The following ABCC1 variants were observed in gnomAD, a reference collection of about 807,000 sequenced individuals.
ABCC1 encodes ATP binding cassette subfamily C member 1 (ABCC1 blood group), also known as multidrug resistance-associated protein 1.
A neutral mutation model predicts 172.9 loss-of-function variants in ABCC1; 83 were observed. That is an observed-to-expected ratio of 0.48 (90% confidence interval 0.40 to 0.58). ABCC1 has a LOEUF of 0.58. Among genes scored for constraint, ABCC1 ranks in the 20% least tolerant of loss-of-function variants. ABCC1 has a pLI of 0.00. For synonymous variants in ABCC1, 937 were observed against 825.2 expected (o/e 1.14, Z -2.32); for missense variants, 1,817 against 2,002.7 (o/e 0.91, Z 1.77).
At chr16:16,084,927 TTGAG>T (rs1212422442) in intron 17 of ABCC1, among the ~76,000 whole-genome samples, 1 of 152,164 alleles carries the variant, frequency 6.6e-6, no homozygotes, top group African/African-American at 2.4e-5. Context: ...GGCCTATAAC[TTGAG>T]TATTTTCTGT....
rs1484653256 is a variant in ABCC1, at chr16:16,056,315, T to A, written c.1677+20T>A. On this transcript the variant is annotated intron_variant, in intron 12 of 30. Coordinates refer to ENST00000399410, the MANE Select transcript of ABCC1 (RefSeq NM_004996.4). Reference sequence around the variant, plus strand: ...TTTCTGGTGAGTGAAGCCACATTTTTCCTGGCCCTCATTGTTTGATGTTTT... The same window carrying A: ...TTTCTGGTGAGTGAAGCCACATTTTACCTGGCCCTCATTGTTTGATGTTTT... 1 of 1,613,668 alleles carries A rather than the reference T, an allele frequency of 6.2e-7. No homozygotes were observed. Among genetic ancestry groups the A allele is most frequent in the Non-Finnish European group, 8.5e-7 (1 of 1,179,616 alleles).
At chr16:15,978,821 T>G (rs2046552408) in intron 1 of ABCC1, among the ~76,000 whole-genome samples, 1 of 151,956 alleles carries the variant, frequency 6.6e-6, no homozygotes, top group Non-Finnish European at 1.5e-5. Context: ...GTTGTCACAG[T>G]TTGGGATGGG....
chr16:15,992,882 G>T (rs1404100530), intron 1 of ABCC1, among the ~76,000 whole-genome samples: 1 of 152,114 alleles, frequency 6.6e-6, no homozygotes, highest in East Asian at 1.9e-4. Context: ...CATTGGTGCA[G>T]CCATATCCTC....
chr16:16,036,228 TAAA>T (rs4148341), intron 6 of ABCC1, among the ~76,000 whole-genome samples: 1 of 138,048 alleles, frequency 7.2e-6, no homozygotes. Flanking sequence ...TATGCACCAC[TAAA>T]AAAAAAAAAA....
chr16:16,037,426 C>T (rs2048799507), intron 7 of ABCC1, among the ~76,000 whole-genome samples: 3 of 152,198 alleles, frequency 2.0e-5, no homozygotes, highest in Admixed American at 2.0e-4. Flanking sequence ...CATACCTTAA[C>T]TCATCAAATC....
chr16:16,043,308 G>GT (rs1455995191), intron 7 of ABCC1, among the ~76,000 whole-genome samples: 1 of 35,074 alleles, frequency 2.9e-5, no homozygotes, highest in African/African-American at 1.0e-4. Flanking sequence ...TTTTTGTTTT[G>GT]TTTTTTTCTT....
At chr16:16,069,133 C>A (rs1410252362) in intron 13 of ABCC1, among the ~76,000 whole-genome samples, 2 of 144,430 alleles carry the variant, frequency 1.4e-5, no homozygotes, top group African/African-American at 2.6e-5. Context: ...TATGGTAAAA[C>A]CCTGTATGTA....
intron 7 of ABCC1, among the ~76,000 whole-genome samples, chr16:16,043,684 C>T (rs1453860828): frequency 2.0e-5 from 3 of 152,028 alleles, no homozygotes; most frequent in Non-Finnish European, 4.4e-5. Flanking sequence ...TCACAGCAAC[C>T]TCCACCTCCC....
intron 12 of ABCC1, among the ~76,000 whole-genome samples, chr16:16,063,129 C>T (rs941416344): frequency 4.6e-5 from 7 of 152,070 alleles, no homozygotes; most frequent in Admixed American, 2.0e-4. Flanking sequence ...ATTTTTGAGA[C>T]GGAGTCTCAT....
At chr16:15,958,896 T>C (rs1041643839) in intron 1 of ABCC1, among the ~76,000 whole-genome samples, 1 of 152,172 alleles carries the variant, frequency 6.6e-6, no homozygotes, top group Non-Finnish European at 1.5e-5. Flanking sequence ...CTGGTTGCTG[T>C]TCTGTGCAGC....
At chr16:16,063,278 TTG>T (rs2049987719) in intron 12 of ABCC1, among the ~76,000 whole-genome samples, 1 of 152,112 alleles carries the variant, frequency 6.6e-6, no homozygotes, top group South Asian at 2.1e-4. Context: ...GGCTAATTTT[TTG>T]TCTTTTTAGT....
intron 19 of ABCC1, 140 bp downstream of exon 19, chr16:16,090,728 T>A: frequency 2.2e-6 from 2 of 920,670 alleles, no homozygotes; most frequent in Non-Finnish European, 3.1e-6. Flanking sequence ...TGGAGCCCCC[T>A]AAAGAAGCAA....
chr16:16,070,903 T>C (rs562546255), intron 13 of ABCC1, among the ~76,000 whole-genome samples: 12 of 152,266 alleles, frequency 7.9e-5, no homozygotes, highest in Admixed American at 2.6e-4. Context: ...ACCATCATCA[T>C]GTCTAAGCAA....
At chr16:16,038,015 T>TA (rs2048821264) in intron 7 of ABCC1, among the ~76,000 whole-genome samples, 1 of 151,794 alleles carries the variant, frequency 6.6e-6, no homozygotes, top group Admixed American at 6.6e-5. Context: ...CCCTGTTTAT[T>TA]ACAGTTCTTC....
intron 22 of ABCC1, among the ~76,000 whole-genome samples, chr16:16,113,720 G>A (rs1178455162): frequency 6.6e-6 from 1 of 152,126 alleles, no homozygotes; most frequent in Non-Finnish European, 1.5e-5. Flanking sequence ...GTGCTCAGTA[G>A]CCATCATTTC....
intron 22 of ABCC1, among the ~76,000 whole-genome samples, chr16:16,112,852 C>G (rs1339347095): frequency 6.6e-6 from 1 of 152,202 alleles, no homozygotes; most frequent in South Asian, 2.1e-4. Flanking sequence ...CCGAGGTCAG[C>G]GTCATTGTCC....
chr16:15,964,685 T>A (rs1366594119), intron 1 of ABCC1, among the ~76,000 whole-genome samples: 4 of 152,042 alleles, frequency 2.6e-5, no homozygotes, highest in Non-Finnish European at 5.9e-5. Context: ...TTTTAATTTT[T>A]AAATTTATTT....
chr16:16,102,571 GT>G, intron 19 of ABCC1, 55 bp from the exon 20 acceptor site: 4 of 1,524,252 alleles, frequency 2.6e-6, no homozygotes, highest in Non-Finnish European at 2.7e-6. Context: ...GTTGCCCTTG[GT>G]TTTAGCATCT....
intron 5 of ABCC1, among the ~76,000 whole-genome samples, chr16:16,030,794 C>T (rs1329658987): frequency 6.6e-6 from 1 of 151,988 alleles, no homozygotes; most frequent in Non-Finnish European, 1.5e-5. Context: ...GTGCCCCAGT[C>T]GCACCCAGAA....
Sources: gnomAD v4.1 joint callset for allele counts (sites outside exome capture counted in the v4.1 genomes callset) on GRCh38, gnomAD v4.1.1 for gene constraint, MANE v1.5 for transcripts, NCBI Gene and HGNC (gene_info 2026-07-23, HGNC 2026-07-21) for gene names.